Variants in KCNH5 observed in about 807,000 individuals in gnomAD.
KCNH5 encodes voltage-gated delayed rectifier potassium channel KCNH5.
Under a neutral mutation model 96.1 loss-of-function variants are expected in KCNH5, and 46 were observed. That is an observed-to-expected ratio of 0.48 (90% CI 0.38 to 0.61). KCNH5 has a LOEUF of 0.61. Ranked by LOEUF, KCNH5 falls within the 20% of genes least tolerant of loss-of-function variation. KCNH5 has a pLI of 0.00. For synonymous variants in KCNH5, 439 were observed against 449.8 expected, an observed-to-expected ratio of 0.98 and a Z score of 0.30; for missense variants, 907 against 1,225.8, an observed-to-expected ratio of 0.74 and a Z score of 3.88.
intron 8 of KCNH5, among the ~76,000 whole-genome samples, chr14:62,831,552 T>C (rs1393475399): frequency 6.6e-6 from 1 of 152,222 alleles, no homozygotes; most frequent in African/African-American, 2.4e-5. Context: ...CTCTTGTCTA[T>C]GTTTCTATTA....
intron 9 of KCNH5, among the ~76,000 whole-genome samples, chr14:62,796,095 A>G (rs1886535413): frequency 6.6e-6 from 1 of 152,148 alleles, no homozygotes; most frequent in Non-Finnish European, 1.5e-5. Flanking sequence ...TGGCCCCATA[A>G]GCCATGCTCG....
chr14:62,995,823 C>T (rs372232130), intron 4 of KCNH5, among the ~76,000 whole-genome samples: 1 of 152,040 alleles, frequency 6.6e-6, no homozygotes, highest in Admixed American at 6.6e-5. Flanking sequence ...TTGCCTCCCC[C>T]ACTAGAATGT....
At chr14:62,736,721 T>C (rs145925110) in intron 10 of KCNH5, among the ~76,000 whole-genome samples, 1,537 of 152,286 alleles carry the variant, frequency 0.01, 22 homozygotes, top group African/African-American at 0.035. Flanking sequence ...TATATACTCT[T>C]AGTCTGTAAG....
chr14:62,760,228 T>G (rs1885717715), intron 10 of KCNH5, among the ~76,000 whole-genome samples: 1 of 152,128 alleles, frequency 6.6e-6, no homozygotes, highest in Admixed American at 6.5e-5. Flanking sequence ...GGAAACACTC[T>G]TTTTTCACAC....
chr14:63,015,655 G>A (rs1024065991), intron 2 of KCNH5, among the ~76,000 whole-genome samples: 2 of 151,796 alleles, frequency 1.3e-5, no homozygotes, highest in Non-Finnish European at 2.9e-5. Context: ...CATACACAGG[G>A]GATTGGTTCC....
chr14:62,913,083 G>A (rs911365323), intron 7 of KCNH5, among the ~76,000 whole-genome samples: 28 of 152,314 alleles, frequency 1.8e-4, no homozygotes, highest in South Asian at 4.1e-4. Context: ...TGTCTAAGGA[G>A]TCAAAATGTA....
chr14:63,000,708 C>T (rs980875927), intron 4 of KCNH5, among the ~76,000 whole-genome samples: 1 of 152,214 alleles, frequency 6.6e-6, no homozygotes, highest in Admixed American at 6.5e-5. Context: ...AACCATTCCA[C>T]CAATTGTTAC....
intron 2 of KCNH5, among the ~76,000 whole-genome samples, chr14:63,015,120 C>G (rs972782839): frequency 2.0e-5 from 3 of 151,986 alleles, no homozygotes; most frequent in Non-Finnish European, 4.4e-5. Flanking sequence ...TCAGTAGAGG[C>G]AAAAATGAGG....
intron 10 of KCNH5, among the ~76,000 whole-genome samples, chr14:62,771,212 C>G (rs370114859): frequency 2.0e-5 from 3 of 152,302 alleles, no homozygotes; most frequent in Admixed American, 1.3e-4. Context: ...GTTGAAACTA[C>G]TCAGTCTATG....
At chr14:62,787,301 C>T (rs571147065) in intron 9 of KCNH5, among the ~76,000 whole-genome samples, 13 of 152,278 alleles carry the variant, frequency 8.5e-5, no homozygotes, top group East Asian at 7.7e-4. Flanking sequence ...CATTCCCTTA[C>T]GCCAAAGCCA....
rs112368336 is a variant in KCNH5, at chr14:62,737,288, T to C, written c.2020-28833A>G. ...ATGCACCCTAAATACCTAGAACATA[T>C]AGCATTTGGCACATGAAAGTGCACA... On this transcript the variant is annotated intron_variant, in intron 10 of 10. Coordinates refer to ENST00000322893, the MANE Select transcript of KCNH5 (RefSeq NM_139318.5). 3.3e-5 allele frequency among the ~76,000 whole-genome samples: 5 copies of C among 152,298 alleles called. 1 individual carries two copies. Among genetic ancestry groups the C allele is most frequent in the South Asian group, 2.1e-4 (1 of 4,820 alleles).
intron 7 of KCNH5, among the ~76,000 whole-genome samples, chr14:62,888,584 T>A (rs1308865380): frequency 6.6e-6 from 1 of 152,176 alleles, no homozygotes; most frequent in African/African-American, 2.4e-5. Flanking sequence ...TTACATATAT[T>A]CCTATAAGAC....
intron 10 of KCNH5, among the ~76,000 whole-genome samples, chr14:62,746,096 T>C (rs1227131732): frequency 6.6e-6 from 1 of 152,204 alleles, no homozygotes; most frequent in Non-Finnish European, 1.5e-5. Flanking sequence ...ATTCATCAAA[T>C]GGAAATTTTA....
intron 7 of KCNH5, among the ~76,000 whole-genome samples, chr14:62,886,498 G>C (rs1304684081): frequency 6.6e-6 from 1 of 152,098 alleles, no homozygotes; most frequent in Non-Finnish European, 1.5e-5. Flanking sequence ...AACCAGGAGT[G>C]GGGTGTGCAT....
chr14:62,728,302 G>A (rs1161077853), intron 10 of KCNH5, among the ~76,000 whole-genome samples: 6 of 150,510 alleles, frequency 4.0e-5, no homozygotes, highest in Non-Finnish European at 5.9e-5. Flanking sequence ...CAGGAGAATC[G>A]CTTGAACTCG....
chr14:62,721,806 A>G (rs948074335), intron 10 of KCNH5, among the ~76,000 whole-genome samples: 1 of 152,196 alleles, frequency 6.6e-6, no homozygotes, highest in African/African-American at 2.4e-5. Context: ...ACCCTTTTCC[A>G]ATAGAGCTAT....
chr14:62,862,518 G>T (rs773974467), intron 7 of KCNH5, among the ~76,000 whole-genome samples: 4 of 152,092 alleles, frequency 2.6e-5, no homozygotes, highest in African/African-American at 9.7e-5. Context: ...AGACTTTACT[G>T]CTTCTCCCAC....
At chr14:62,930,822 A>G (rs1889567022) in intron 7 of KCNH5, among the ~76,000 whole-genome samples, 1 of 152,148 alleles carries the variant, frequency 6.6e-6, no homozygotes, top group African/African-American at 2.4e-5. Context: ...TCCAATGAGT[A>G]TAATAGAAAC....
chr14:63,001,516 G>T (rs1891011453), intron 3 of KCNH5, 57 bp from the exon 4 acceptor site: 4 of 1,503,058 alleles, frequency 2.7e-6, no homozygotes, highest in Non-Finnish European at 3.6e-6. Flanking sequence ...CCACAGCAGT[G>T]GTTTGGTCTC....
Sources: allele counts gnomAD v4.1 joint callset (sites outside exome capture counted in the v4.1 genomes callset), GRCh38; gene constraint gnomAD v4.1.1; transcripts MANE v1.5; gene names NCBI Gene and HGNC (gene_info 2026-07-23, HGNC 2026-07-21).